The following MSH6 variants were observed in gnomAD, a reference collection of about 807,000 sequenced individuals.
MSH6 encodes mutS homolog 6, also known as DNA mismatch repair protein Msh6.
Under a neutral mutation model 119.1 loss-of-function variants are expected in MSH6, and 85 were observed. The ratio of observed to expected loss-of-function variants is 0.71; its 90% CI spans 0.60 to 0.85. MSH6 has a LOEUF of 0.85. Among genes scored for constraint, MSH6 ranks in the 40% least tolerant of loss-of-function variants. MSH6 has a pLI of 0.00. For synonymous variants in MSH6, 830 were observed against 586.9 expected (o/e 1.41, Z -5.99); for missense variants, 2,163 against 1,655.3 (o/e 1.31, Z -5.32).
intron 7 of MSH6, among the ~76,000 whole-genome samples, chr2:47,805,954 G>C (rs1435683419): frequency 1.3e-5 from 2 of 152,140 alleles, no homozygotes; most frequent in Non-Finnish European, 2.9e-5. Flanking sequence ...ATACTACGGG[G>C]ATGAGAACAC....
At chr2:47,795,114 C>T (rs1668989327) in intron 2 of MSH6, among the ~76,000 whole-genome samples, 2 of 151,954 alleles carry the variant, frequency 1.3e-5, no homozygotes, top group Admixed American at 1.3e-4. Flanking sequence ...AAGAAAGATT[C>T]TCAAACCTCT....
At chr2:47,798,330 A>G (rs1036881790) in intron 3 of MSH6, among the ~76,000 whole-genome samples, 2 of 152,206 alleles carry the variant, frequency 1.3e-5, no homozygotes, top group Non-Finnish European at 2.9e-5. Flanking sequence ...TAATACACCT[A>G]CCCCACCGAA....
rs776633437 is a variant in MSH6, at chr2:47,799,435, A to G, written c.1452A>G (p.Glu484=). The change falls in exon 4 of 10, where the codon GAA becomes GAG. Residue 484 remains glutamate, a synonymous_variant. Transcript: ENST00000234420. ...VQKGYKVARV[E]QTETPEMMEA... is the part of the protein sequence containing the mutation. Reference sequence around the variant, plus strand: ...AGGGCTATAAAGTAGCACGAGTGGAACAGACTGAGACTCCAGAAATGATGG... The same window carrying G: ...AGGGCTATAAAGTAGCACGAGTGGAGCAGACTGAGACTCCAGAAATGATGG... The G allele has an allele frequency of 8.1e-6, 13 of 1,614,162 alleles. No individual in the cohort carries two copies. The highest frequency in any genetic ancestry group is 1.1e-5 in the Non-Finnish European group (13 of 1,180,024).
chr2:47,802,732 G>C (rs1019464336), intron 4 of MSH6, among the ~76,000 whole-genome samples: 1 of 151,176 alleles, frequency 6.6e-6, no homozygotes, highest in African/African-American at 2.4e-5. Flanking sequence ...GTATCTAATG[G>C]AACAGAATAA....
intron 5 of MSH6, among the ~76,000 whole-genome samples, chr2:47,804,162 G>C (rs1669804231): frequency 6.6e-6 from 1 of 151,884 alleles, no homozygotes; most frequent in African/African-American, 2.4e-5. Context: ...CAAGGCTGAA[G>C]TGCAGTGGCA....
intron 5 of MSH6, among the ~76,000 whole-genome samples, chr2:47,804,462 G>T (rs1358249941): frequency 6.6e-6 from 1 of 151,964 alleles, no homozygotes; most frequent in Non-Finnish European, 1.5e-5. Context: ...CTAGAGAGAG[G>T]CAGTATAGTG....
chr2:47,792,131 C>T (rs955753481), intron 2 of MSH6, among the ~76,000 whole-genome samples: 1 of 152,072 alleles, frequency 6.6e-6, no homozygotes, highest in Non-Finnish European at 1.5e-5. Context: ...TAGGCGTGAG[C>T]CACTGTGCCC....
At chr2:47,784,865 T>C (rs1668253070) in intron 1 of MSH6, 1 of 150,404 alleles carries the variant, frequency 6.6e-6, no homozygotes, top group Non-Finnish European at 1.5e-5. Flanking sequence ...CTTGCTCTTT[T>C]GTCCAGGCTA....
Position 47,798,981 on chromosome 2 carries a change from C to T in MSH6, c.998C>T (p.Thr333Ile), listed in dbSNP as rs587781983. 1.2e-5 allele frequency: 20 copies of T among 1,614,098 alleles called. No individual in the cohort carries two copies. Among genetic ancestry groups the T allele is most frequent in the Non-Finnish European group, 1.6e-5 (19 of 1,180,052 alleles). Reference sequence around the variant, plus strand: ...CAAGCAACTAGCATTTCATCAGAAACCAAGAATACTTTGAGAGCTTTCTCT... The same window carrying T: ...CAAGCAACTAGCATTTCATCAGAAATCAAGAATACTTTGAGAGCTTTCTCT... ...TKQATSISSE[T>I]KNTLRAFSAP... is the part of the protein sequence containing the mutation. The change falls in exon 4 of 10, where the codon ACC becomes ATC. Residue 333 changes from threonine (T) to isoleucine (I), a missense_variant. Transcript: ENST00000234420.
intron 1 of MSH6, among the ~76,000 whole-genome samples, chr2:47,787,505 A>G (rs1668417712): frequency 6.6e-6 from 1 of 152,194 alleles, no homozygotes; most frequent in African/African-American, 2.4e-5. Context: ...TTTCCTCTTA[A>G]CATTTTTCCC....
chr2:47,797,587 A>G, intron 3 of MSH6, among the ~76,000 whole-genome samples: 1 of 152,182 alleles, frequency 6.6e-6, no homozygotes, highest in East Asian at 1.9e-4. Context: ...TTTATGATAT[A>G]TGGTCATGCC....
intron 9 of MSH6, 61 bp from the exon 10 acceptor site, chr2:47,806,718 G>A: frequency 6.4e-7 from 1 of 1,568,332 alleles, no homozygotes; most frequent in Non-Finnish European, 8.7e-7. Context: ...AGTAAAAGGG[G>A]AAGGGATGAT....
At chr2:47,803,228 C>T (rs1450540659) in intron 4 of MSH6, among the ~76,000 whole-genome samples, 192 bp from the exon 5 acceptor site, 1 of 151,998 alleles carries the variant, frequency 6.6e-6, no homozygotes, top group Admixed American at 6.5e-5. Context: ...TCTGCTCTAT[C>T]TTTTAGCTTT....
chr2:47,798,865 C>G lies in MSH6; in HGVS notation c.882C>G (p.Val294=), dbSNP rs1572720691. 3 of 1,614,156 alleles carry G rather than the reference C, an allele frequency of 1.9e-6. No homozygotes were observed. The highest frequency in any genetic ancestry group is 1.1e-5 in the South Asian group (1 of 91,072). The stretch of plus-strand genomic sequence containing the variant: ...AGAGTGAAGGCCTGAACAGCCCTGT[C>G]AAAGTTGCTCGAAAGCGGAAGAGAA... ...DSESEGLNSP[V]KVARKRKRMV... Residue 294 remains valine (V), a synonymous_variant, in exon 4 of 10, where the codon GTC becomes GTG. Transcript: ENST00000234420.
chr2:47,798,231 T>C (rs1209949471), intron 3 of MSH6: 1 of 183,246 alleles, frequency 5.5e-6, no homozygotes, highest in Non-Finnish European at 1.1e-5. Flanking sequence ...GCATATGAAG[T>C]TGCAGCATAT....
chr2:47,801,386 T>TTTTTTTTTTTTA (rs1355170686), intron 4 of MSH6: 2 of 490,852 alleles, frequency 4.1e-6, no homozygotes, highest in Non-Finnish European at 7.1e-6. Context: ...TTTTTTTTTT[T>TTTTTTTTTTTTA]GAGACATGGT....
rs1114167766 is a variant in MSH6 at position 47,799,782 on chromosome 2, ATC to A, written c.1804_1805del (p.Ser602LysfsTer4). The A allele has an allele frequency of 6.2e-7, 1 of 1,614,168 alleles. No individual in the cohort carries two copies. Among genetic ancestry groups the A allele is most frequent in the Non-Finnish European group, 8.5e-7 (1 of 1,180,004 alleles). On this transcript the variant is annotated frameshift_variant, in exon 4 of 10. Coordinates refer to ENST00000234420, the MANE Select transcript of MSH6 (RefSeq NM_000179.3). LOFTEE classifies it high-confidence loss of function. The stretch of plus-strand genomic sequence containing the variant: ...GTACAAGTTTTATTTGAAAAAGGAA[ATC>A]TCTCAAAGGAAACTAAAACAATTCT...
downstream of MSH6, chr2:47,810,040 T>A (rs1670508355): frequency 2.0e-6 from 1 of 497,734 alleles, no homozygotes; most frequent in African/African-American, 2.0e-5. Flanking sequence ...AATCTATCTG[T>A]ATTCCTAGTG....
chr2:47,809,548 A>C, downstream of MSH6: 1 of 1,312,580 alleles, frequency 7.6e-7, no homozygotes, highest in Non-Finnish European at 1.1e-6. Flanking sequence ...GCTTCTGATT[A>C]TCTTTCATGG....
Sources: allele counts gnomAD v4.1 joint callset (sites outside exome capture counted in the v4.1 genomes callset), GRCh38; gene constraint gnomAD v4.1.1; transcripts MANE v1.5; gene names NCBI Gene and HGNC (gene_info 2026-07-23, HGNC 2026-07-21).